Variants in ESRRG observed in about 807,000 individuals in gnomAD.
ESRRG encodes the protein estrogen-related receptor gamma.
ESRRG carries 13 observed loss-of-function variants against 44.0 expected under a neutral mutation model. The ratio of observed to expected loss-of-function variants is 0.30; its 90% CI spans 0.19 to 0.47. ESRRG has a LOEUF of 0.47. ESRRG is among the 20% of genes least tolerant of loss of function. The probability of loss-of-function intolerance (pLI) is 1.00; values close to 1 mark genes in which losing one functional copy is unlikely to be tolerated. For missense variants in ESRRG, 395 were observed against 580.6 expected (o/e 0.68, Z 3.29); for synonymous variants, 215 against 214.6 (o/e 1.00, Z -0.02).
At chr1:217,048,563 A>G (rs2151205662) in intron 1 of ESRRG, among the ~76,000 whole-genome samples, 1 of 152,258 alleles carries the variant, frequency 6.6e-6, no homozygotes, top group African/African-American at 2.4e-5. Flanking sequence ...CTATGCAGAA[A>G]CCAGGCCCCC....
chr1:216,527,762 T>A (rs969935914), intron 5 of ESRRG, among the ~76,000 whole-genome samples: 4 of 152,158 alleles, frequency 2.6e-5, no homozygotes, highest in Admixed American at 1.3e-4. Flanking sequence ...ATGATCGTTG[T>A]CACTGGGTAG....
At chr1:216,771,503 T>C (rs1051005213) in intron 2 of ESRRG, among the ~76,000 whole-genome samples, 12 of 152,240 alleles carry the variant, frequency 7.9e-5, no homozygotes, top group South Asian at 2.1e-4. Context: ...GTGTGAAATA[T>C]ACATCTAAAC....
chr1:217,016,236 G>A (rs966526694), intron 1 of ESRRG, among the ~76,000 whole-genome samples: 8 of 152,104 alleles, frequency 5.3e-5, no homozygotes, highest in African/African-American at 1.9e-4. Context: ...CTCATCGCAA[G>A]TGTAACATTA....
chr1:216,711,330 G>T (rs76725595), intron 1 of ESRRG, among the ~76,000 whole-genome samples: 1 of 152,146 alleles, frequency 6.6e-6, no homozygotes, highest in Non-Finnish European at 1.5e-5. Context: ...AACTCGGGGA[G>T]TTCTGCAGCT....
rs181351005 is a variant in ESRRG at position 216,700,026 on chromosome 1, G to A, written c.57-22535C>T. ...AATCAGCCTGGGCTGAAATTTAATG[G>A]ATGTATCAGTCATCGTTGGTCCAGA... is the stretch of plus-strand genomic sequence containing the variant. On this transcript the variant is annotated intron_variant, in intron 1 of 6. Transcript: ENST00000408911. Among the ~76,000 whole-genome samples the A allele has an allele frequency of 4.1e-3, 630 of 152,082 alleles. 3 individuals are homozygous for A. Among genetic ancestry groups the A allele is most frequent in the African/African-American group, 0.015 (612 of 41,482 alleles).
intron 3 of ESRRG, 112 bp downstream of exon 3, chr1:216,650,861 G>C (rs2068770920): frequency 1.4e-6 from 1 of 727,458 alleles, no homozygotes; most frequent in African/African-American, 1.7e-5. Context: ...TCAGAGTCAG[G>C]GTACTTACTG....
intron 1 of ESRRG, among the ~76,000 whole-genome samples, chr1:217,060,818 A>AGATAGATAGACAGAT (rs1553266161): frequency 8.0e-5 from 12 of 150,134 alleles, no homozygotes; most frequent in African/African-American, 2.9e-4. Context: ...ATAGATAGAT[A>AGATAGATAGACAGAT]GATAGATAGA....
At chr1:216,979,802 C>T (rs1264038087) in intron 1 of ESRRG, among the ~76,000 whole-genome samples, 1 of 152,036 alleles carries the variant, frequency 6.6e-6, no homozygotes, top group African/African-American at 2.4e-5. Flanking sequence ...AAAACTGGCA[C>T]CAAGACATCA....
chr1:216,607,858 T>C (rs886485679), intron 3 of ESRRG, among the ~76,000 whole-genome samples: 9 of 152,142 alleles, frequency 5.9e-5, no homozygotes, highest in African/African-American at 2.2e-4. Context: ...ATGAAAACAC[T>C]GAAAGCACAT....
At chr1:216,936,602 C>T (rs1203275029) in intron 2 of ESRRG, 5 of 151,850 alleles carry the variant, frequency 3.3e-5, no homozygotes, top group African/African-American at 1.2e-4. Context: ...AGCATGATAG[C>T]TATGAACAAA....
chr1:216,642,276 C>T (rs1158884327), intron 3 of ESRRG, among the ~76,000 whole-genome samples: 1 of 152,002 alleles, frequency 6.6e-6, no homozygotes, highest in East Asian at 1.9e-4. Flanking sequence ...TTAACCAACC[C>T]CAACAAAAGC....
At chr1:216,803,334 T>C (rs368614680) in intron 2 of ESRRG, among the ~76,000 whole-genome samples, 4 of 152,258 alleles carry the variant, frequency 2.6e-5, no homozygotes, top group African/African-American at 9.6e-5. Flanking sequence ...GATTTCCCCC[T>C]GCAAACCTCC....
chr1:216,781,338 A>C (rs998808021), intron 2 of ESRRG, among the ~76,000 whole-genome samples: 1 of 152,026 alleles, frequency 6.6e-6, no homozygotes, highest in Non-Finnish European at 1.5e-5. Context: ...TAGAGAAATG[A>C]GATAAATGTA....
chr1:216,582,387 A>G (rs547777841), intron 3 of ESRRG, among the ~76,000 whole-genome samples: 53 of 152,310 alleles, frequency 3.5e-4, no homozygotes, highest in African/African-American at 1.3e-3. Context: ...AAATGTTTTC[A>G]TGCTCTGAAG....
In ESRRG at chr1:216,589,903, C is replaced by CAAA. The variant is rs58458686; in HGVS notation, c.590-21808_590-21806dup. ...TGGGCAACAGGGTGAAACTCTGTCT[C>CAAA]AAAAAAAAAAAAAAAAAAAAAAAGA... is the stretch of plus-strand genomic sequence containing the variant. On this transcript the variant is annotated intron_variant, in intron 3 of 6. Coordinates refer to ENST00000408911, the MANE Select transcript of ESRRG (RefSeq NM_001438.4). Among the ~76,000 whole-genome samples the CAAA allele has an allele frequency of 7.4e-4, 24 of 32,236 alleles. 5 individuals carry two copies. The highest frequency in any genetic ancestry group is 1.7e-3 in the South Asian group (1 of 576). 21.1% of individuals were successfully genotyped at this position (32,236 alleles called of 152,430 possible). A position where few individuals can be genotyped will look rare whatever the true frequency, so the allele number is the denominator to read the frequency against.
At chr1:216,695,901 G>T (rs1434551935) in intron 1 of ESRRG, among the ~76,000 whole-genome samples, 3 of 152,100 alleles carry the variant, frequency 2.0e-5, no homozygotes, top group African/African-American at 7.2e-5. Flanking sequence ...TTATCAACAA[G>T]GATATGTTCT....
At chr1:216,761,110 A>G (rs538237028) in intron 2 of ESRRG, among the ~76,000 whole-genome samples, 132 of 152,006 alleles carry the variant, frequency 8.7e-4, no homozygotes, top group Non-Finnish European at 1.7e-3. Context: ...AAGGAGATAT[A>G]GAAAGTGAGA....
At chr1:216,539,480 C>T (rs751611872) in intron 5 of ESRRG, among the ~76,000 whole-genome samples, 1 of 152,018 alleles carries the variant, frequency 6.6e-6, no homozygotes, top group Non-Finnish European at 1.5e-5. Context: ...GCCACCCTCC[C>T]TGACCCTCGG....
At chr1:216,536,327 T>C (rs569066059) in intron 5 of ESRRG, among the ~76,000 whole-genome samples, 1 of 152,256 alleles carries the variant, frequency 6.6e-6, no homozygotes, top group East Asian at 1.9e-4. Flanking sequence ...ATGTCTAAAA[T>C]TGAACTCATT....
Sources: allele counts gnomAD v4.1 joint callset (sites outside exome capture counted in the v4.1 genomes callset), GRCh38; gene constraint gnomAD v4.1.1; transcripts MANE v1.5; gene names NCBI Gene and HGNC (gene_info 2026-07-23, HGNC 2026-07-21).